The following PPP1R12B variants were observed in gnomAD, a reference collection of about 807,000 sequenced individuals.
PPP1R12B encodes the protein protein phosphatase 1 regulatory subunit 12B, also known as myosin phosphatase target subunit 2.
A neutral mutation model predicts 126.1 loss-of-function variants in PPP1R12B; 76 were observed. The observed-to-expected ratio is 0.60, with a 90% confidence interval of 0.50 to 0.73. PPP1R12B has a LOEUF of 0.73. Among genes scored for constraint, PPP1R12B ranks in the 30% least tolerant of loss-of-function variants. PPP1R12B has a pLI of 0.00. For synonymous variants in PPP1R12B, 356 were observed against 434.7 expected (o/e 0.82, Z 2.25); for missense variants, 1,052 against 1,205.1 (o/e 0.87, Z 1.88).
intron 1 of PPP1R12B, among the ~76,000 whole-genome samples, chr1:202,353,669 G>A (rs1353858072): frequency 6.6e-6 from 1 of 150,960 alleles, no homozygotes; most frequent in Non-Finnish European, 1.5e-5. Context: ...GAGTGTGGTG[G>A]TGTGACCATG....
At chr1:202,463,960 C>T (rs1674649215) in intron 13 of PPP1R12B, among the ~76,000 whole-genome samples, 1 of 152,172 alleles carries the variant, frequency 6.6e-6, no homozygotes, top group Non-Finnish European at 1.5e-5. Context: ...GGCCTATTTC[C>T]TGTACATTTT....
intron 13 of PPP1R12B, among the ~76,000 whole-genome samples, chr1:202,470,905 C>CAA (rs762680749): frequency 2.2e-5 from 2 of 92,864 alleles, no homozygotes; most frequent in Non-Finnish European, 4.6e-5. Flanking sequence ...GACCTCATCT[C>CAA]AAAAAAAAAA....
At chr1:202,473,265 T>C (rs565235806) in intron 13 of PPP1R12B, among the ~76,000 whole-genome samples, 1 of 152,370 alleles carries the variant, frequency 6.6e-6, no homozygotes, top group African/African-American at 2.4e-5. Context: ...ATATTAGATC[T>C]AGAAATCTTC....
chr1:202,568,718 A>G (rs867033427), intron 22 of PPP1R12B, among the ~76,000 whole-genome samples: 10 of 152,198 alleles, frequency 6.6e-5, no homozygotes, highest in African/African-American at 2.4e-4. Flanking sequence ...CCGGCTCACC[A>G]TCTGCTCCTC....
intron 1 of PPP1R12B, among the ~76,000 whole-genome samples, chr1:202,362,671 T>G (rs936049548): frequency 2.6e-5 from 4 of 151,720 alleles, no homozygotes; most frequent in African/African-American, 9.7e-5. Flanking sequence ...TTTTTTTTTT[T>G]GTAATAAGGA....
chr1:202,439,155 T>C, intron 10 of PPP1R12B: 2 of 1,581,178 alleles, frequency 1.3e-6, no homozygotes, highest in East Asian at 2.2e-5. Context: ...GTGAAGTGTC[T>C]GAACAACCTG....
chr1:202,460,909 T>C (rs373293431), intron 13 of PPP1R12B, among the ~76,000 whole-genome samples: 136 of 152,324 alleles, frequency 8.9e-4, no homozygotes, highest in African/African-American at 3.1e-3. Flanking sequence ...AACAAACTGC[T>C]TTCAGTGTCA....
intron 18 of PPP1R12B, among the ~76,000 whole-genome samples, chr1:202,541,983 A>C (rs564642880): frequency 6.6e-6 from 1 of 152,298 alleles, no homozygotes; most frequent in East Asian, 1.9e-4. Context: ...AACTTACTCT[A>C]ACCAACTTCC....
intron 18 of PPP1R12B, among the ~76,000 whole-genome samples, chr1:202,517,682 A>G (rs1378001877): frequency 1.3e-5 from 2 of 151,250 alleles, no homozygotes; most frequent in East Asian, 3.9e-4. Context: ...CTGGAGTGTC[A>G]TGGCGTGATC....
chr1:202,416,494 C>T (rs1301964519), intron 1 of PPP1R12B, among the ~76,000 whole-genome samples: 1 of 148,062 alleles, frequency 6.8e-6, no homozygotes, highest in Admixed American at 6.8e-5. Context: ...CCATTGCACT[C>T]CAGCCTGGGC....
At chr1:202,558,944 C>T (rs1479482777) in intron 19 of PPP1R12B, 51 bp downstream of exon 19, 1 of 1,511,926 alleles carries the variant, frequency 6.6e-7, no homozygotes, top group Admixed American at 2.2e-5. Flanking sequence ...TGAGTGAATG[C>T]ATGTCGAATT....
At chr1:202,379,599 A>G (rs560941203) in intron 1 of PPP1R12B, among the ~76,000 whole-genome samples, 9 of 152,252 alleles carry the variant, frequency 5.9e-5, no homozygotes, top group Non-Finnish European at 1.3e-4. Context: ...GTAGGTACAT[A>G]GTAGGTATTT....
chr1:202,467,909 T>C (rs1212841328), intron 13 of PPP1R12B, among the ~76,000 whole-genome samples: 40 of 151,852 alleles, frequency 2.6e-4, no homozygotes, highest in South Asian at 8.3e-4. Context: ...TTTTAATGAT[T>C]GCCATTCTAA....
intron 1 of PPP1R12B, among the ~76,000 whole-genome samples, chr1:202,401,248 G>C (rs991703907): frequency 1.3e-5 from 2 of 151,218 alleles, no homozygotes; most frequent in African/African-American, 2.4e-5. Flanking sequence ...GGAGTATAAT[G>C]GCACAGTCAT....
chr1:202,438,375 A>T (rs1418956810), intron 10 of PPP1R12B: 1 of 758,086 alleles, frequency 1.3e-6, no homozygotes, highest in African/African-American at 1.8e-5. Flanking sequence ...CCAGAGGGCC[A>T]ATTCCCGTCC....
chr1:202,564,383 G>A (rs1474797497), intron 20 of PPP1R12B, 60 bp from the exon 21 acceptor site: 16 of 1,278,350 alleles, frequency 1.3e-5, no homozygotes, highest in South Asian at 1.1e-4. Context: ...GCATTCTCAT[G>A]TGATGAAATG....
chr1:202,449,598 T>A (rs530212500), intron 13 of PPP1R12B, among the ~76,000 whole-genome samples: 1 of 151,564 alleles, frequency 6.6e-6, no homozygotes, highest in South Asian at 2.1e-4. Flanking sequence ...TTTATATTAT[T>A]GTTCTGTATT....
intron 1 of PPP1R12B, among the ~76,000 whole-genome samples, chr1:202,379,674 C>T (rs1661904315): frequency 6.6e-6 from 1 of 152,066 alleles, no homozygotes; most frequent in African/African-American, 2.4e-5. Flanking sequence ...TATTTTTTCC[C>T]CTAATTTCAC....
Position 202,416,875 on chromosome 1 carries a change from C to T in PPP1R12B, c.380C>T (p.Pro127Leu). 1 of 1,613,862 alleles carries T rather than the reference C, an allele frequency of 6.2e-7. No individual in the cohort carries two copies. Among genetic ancestry groups the T allele is most frequent in the Non-Finnish European group, 8.5e-7 (1 of 1,179,862 alleles). Residue 127 changes from proline (P) to leucine (L), a missense_variant, in exon 2 of 24, where the codon CCC becomes CTC. By Grantham distance (98) the Pro-to-Leu change is moderately conservative. Coordinates refer to ENST00000608999, the MANE Select transcript of PPP1R12B (RefSeq NM_002481.4). ...CAGCAAGACAACGAGGGCTGGACAC[C>T]CCTTCATGCAGCAGCTTCCTGTGGC... ...VNQQDNEGWT[P>L]LHAAASCGYL...
Sources: allele counts gnomAD v4.1 joint callset (sites outside exome capture counted in the v4.1 genomes callset), GRCh38; gene constraint gnomAD v4.1.1; transcripts MANE v1.5; gene names NCBI Gene and HGNC (gene_info 2026-07-23, HGNC 2026-07-21).